The following EDAR variants were observed in gnomAD, a reference collection of about 807,000 sequenced individuals.
EDAR encodes the protein ectodysplasin A receptor.
EDAR carries 38 observed loss-of-function variants against 51.3 expected under a neutral mutation model. The ratio of observed to expected loss-of-function variants is 0.74; its 90% CI spans 0.57 to 0.97. The LOEUF is 0.97. Ranked by LOEUF, EDAR falls within the 50% of genes least tolerant of loss-of-function variation. EDAR has a pLI of 0.00. For missense variants in EDAR, 528 were observed against 595.0 expected (o/e 0.89, Z 1.17); for synonymous variants, 227 against 242.1 (o/e 0.94, Z 0.58).
At chr2:108,966,735 C>G (rs1254972934) in intron 1 of EDAR, among the ~76,000 whole-genome samples, 7 of 152,202 alleles carry the variant, frequency 4.6e-5, no homozygotes, top group African/African-American at 1.7e-4. Flanking sequence ...AGCTACTGAG[C>G]CCACATGGCC....
At chr2:108,938,284 T>C (rs1697516060) in intron 1 of EDAR, among the ~76,000 whole-genome samples, 1 of 152,240 alleles carries the variant, frequency 6.6e-6, no homozygotes, top group Non-Finnish European at 1.5e-5. Flanking sequence ...AGTCGTGGCC[T>C]AAAAACATTT....
At chr2:108,899,705 G>T (rs144796902) in intron 11 of EDAR, among the ~76,000 whole-genome samples, 1 of 152,184 alleles carries the variant, frequency 6.6e-6, no homozygotes, top group Non-Finnish European at 1.5e-5. Flanking sequence ...CACCAGTAAG[G>T]CTGGGCACGG....
At chr2:108,963,285 T>C (rs927538443) in intron 1 of EDAR, among the ~76,000 whole-genome samples, 3 of 152,200 alleles carry the variant, frequency 2.0e-5, no homozygotes, top group African/African-American at 7.2e-5. Flanking sequence ...CACTACACAC[T>C]GTTAAACTGT....
In EDAR at chr2:108,896,969, C is replaced by T; in HGVS notation, c.1285G>A (p.Ala429Thr). ...ACCCCCGCCCACTCCAGTATGTCTG[C>T]ACACAAGGACTCCACAGCATCCAGC... is the stretch of plus-strand genomic sequence containing the variant. Reference protein sequence around the residue: ...ERLDAVESLCADILEWAGVVP... With the variant: ...ERLDAVESLCTDILEWAGVVP... The change falls in exon 12 of 12, where the codon GCA (alanine) becomes ACA (threonine). Residue 429 changes from alanine to threonine, a missense_variant. Coordinates refer to ENST00000258443, the MANE Select transcript of EDAR (RefSeq NM_022336.4). 1.2e-6 allele frequency: 2 copies of T among 1,613,792 alleles called. No homozygotes were observed. The highest frequency in any genetic ancestry group is 1.3e-5 in the African/African-American group (1 of 75,044).
intron 4 of EDAR, among the ~76,000 whole-genome samples, chr2:108,925,722 A>G (rs759774228): frequency 4.6e-5 from 7 of 152,080 alleles, no homozygotes; most frequent in Non-Finnish European, 1.0e-4. Flanking sequence ...GGTGCAAACA[A>G]TTCTCCTGCC....
chr2:108,944,264 C>T (rs558268353), intron 1 of EDAR, among the ~76,000 whole-genome samples: 18 of 152,288 alleles, frequency 1.2e-4, no homozygotes, highest in African/African-American at 4.1e-4. Flanking sequence ...CAGGGCTGTA[C>T]CAACATGCCT....
intron 1 of EDAR, among the ~76,000 whole-genome samples, chr2:108,970,866 A>T (rs1216000699): frequency 6.6e-6 from 1 of 152,224 alleles, no homozygotes; most frequent in Non-Finnish European, 1.5e-5. Flanking sequence ...CCTGGGGAAT[A>T]GTCTACAGGA....
At chr2:108,976,775 T>A (rs1040046755) in intron 1 of EDAR, among the ~76,000 whole-genome samples, 3 of 152,210 alleles carry the variant, frequency 2.0e-5, no homozygotes. Context: ...GGTTTGTGTG[T>A]CCCTTAGACA....
chr2:108,981,757 G>A (rs1306068424), intron 1 of EDAR, among the ~76,000 whole-genome samples: 1 of 152,190 alleles, frequency 6.6e-6, no homozygotes, highest in East Asian at 1.9e-4. Context: ...CGACAGCAAG[G>A]CGAAGTCCAT....
chr2:108,965,877 C>A (rs1012559460), intron 1 of EDAR, among the ~76,000 whole-genome samples: 1 of 152,064 alleles, frequency 6.6e-6, no homozygotes, highest in Non-Finnish European at 1.5e-5. Flanking sequence ...TTCTGTGCTC[C>A]CCCCTCTCCC....
Position 108,929,341 on chromosome 2 carries a change from G to A in EDAR, c.213C>T (p.Cys71=), listed in dbSNP as rs771332801. Reference sequence around the variant, plus strand: ...AAAACTTCTCCGCCGGGCAGGGGACGCAGCCGTAGTCCTCGTCTTTGGTGC... The same window carrying A: ...AAAACTTCTCCGCCGGGCAGGGGACACAGCCGTAGTCCTCGTCTTTGGTGC... ...GYGTKDEDYG[C]VPCPAEKFSK... Residue 71 remains cysteine, a synonymous_variant, in exon 4 of 12, where the codon TGC becomes TGT. Transcript: ENST00000258443. 9 of 1,613,946 alleles carry A rather than the reference G, an allele frequency of 5.6e-6. No individual in the cohort carries two copies. The highest frequency in any genetic ancestry group is 5.3e-5 in the African/African-American group (4 of 74,906).
chr2:108,921,100 C>A (rs921588528), intron 5 of EDAR, among the ~76,000 whole-genome samples: 1 of 152,172 alleles, frequency 6.6e-6, no homozygotes, highest in Admixed American at 6.5e-5. Context: ...CTGCGAATCA[C>A]CCCCCTGAAA....
chr2:108,929,378 G>T lies in EDAR; in HGVS notation c.176C>A (p.Ser59Tyr). The T allele has an allele frequency of 6.2e-7, 1 of 1,614,066 alleles. No homozygotes were observed. The highest frequency in any genetic ancestry group is 8.5e-7 in the Non-Finnish European group (1 of 1,180,010). Reference sequence around the variant, plus strand: ...CTCGTCTTTGGTGCCGTAGCCACAGGACTGTCCAGGGAAAGAGGACAGGGG... The same window carrying T: ...CTCGTCTTTGGTGCCGTAGCCACAGTACTGTCCAGGGAAAGAGGACAGGGG... Reference protein sequence around the residue: ...PCGPGEEPYLSCGYGTKDEDY... With the variant: ...PCGPGEEPYLYCGYGTKDEDY... Residue 59 changes from serine to tyrosine, a missense_variant and splice_region_variant, in exon 4 of 12, where the codon TCC becomes TAC. By Grantham distance (144) the Ser-to-Tyr change is moderately radical. Coordinates refer to ENST00000258443, the MANE Select transcript of EDAR (RefSeq NM_022336.4).
chr2:108,935,776 G>A (rs768459732), intron 1 of EDAR, among the ~76,000 whole-genome samples: 45 of 152,230 alleles, frequency 3.0e-4, no homozygotes, highest in Admixed American at 2.0e-3. Flanking sequence ...TAAGGACGGT[G>A]CCAGACAGAT....
At chr2:108,936,632 C>T (rs1214889741) in intron 1 of EDAR, among the ~76,000 whole-genome samples, 2 of 152,200 alleles carry the variant, frequency 1.3e-5, no homozygotes, top group Non-Finnish European at 2.9e-5. Context: ...CACTTCCCAT[C>T]AACCCAGACA....
At chr2:108,969,359 A>G (rs532212374) in intron 1 of EDAR, among the ~76,000 whole-genome samples, 2 of 152,132 alleles carry the variant, frequency 1.3e-5, no homozygotes, top group East Asian at 3.9e-4. Flanking sequence ...ATTGATCTGT[A>G]TGTGCTGGCT....
chr2:108,922,325 A>G (rs1322855933), intron 5 of EDAR, among the ~76,000 whole-genome samples: 2 of 152,366 alleles, frequency 1.3e-5, no homozygotes, highest in East Asian at 3.9e-4. Context: ...TGGCTTCACC[A>G]TGAGTCAGGC....
intron 1 of EDAR, among the ~76,000 whole-genome samples, chr2:108,960,653 T>C (rs1698020616): frequency 6.6e-6 from 1 of 152,164 alleles, no homozygotes. Flanking sequence ...TGTAAAGAAG[T>C]TTTCAAACAT....
chr2:108,935,709 T>C (rs1697454228), intron 1 of EDAR, among the ~76,000 whole-genome samples: 2 of 152,168 alleles, frequency 1.3e-5, no homozygotes, highest in South Asian at 4.1e-4. Context: ...TTAGAGTTCA[T>C]TCATTTATTC....
Sources: gnomAD v4.1 joint callset for allele counts (sites outside exome capture counted in the v4.1 genomes callset) on GRCh38, gnomAD v4.1.1 for gene constraint, MANE v1.5 for transcripts, NCBI Gene and HGNC (gene_info 2026-07-23, HGNC 2026-07-21) for gene names.